ZNF654: variants seen among roughly 807,000 people sequenced by gnomAD.
ZNF654 encodes melanoma-associated antigen.
A neutral mutation model predicts 95.3 loss-of-function variants in ZNF654; 19 were observed. The ratio of observed to expected loss-of-function variants is 0.20; its 90% CI spans 0.14 to 0.29. The LOEUF (loss-of-function observed/expected upper bound fraction) is 0.29. ZNF654 is among the 10% of genes least tolerant of loss of function. ZNF654 has a pLI of 1.00. For synonymous variants in ZNF654, 413 were observed against 457.9 expected, an observed-to-expected ratio of 0.90 and a Z score of 1.25; for missense variants, 1,046 against 1,341.0, an observed-to-expected ratio of 0.78 and a Z score of 3.44.
intron 1 of ZNF654, among the ~76,000 whole-genome samples, chr3:88,066,037 G>T (rs1707179487): frequency 6.6e-6 from 1 of 152,200 alleles, no homozygotes; most frequent in African/African-American, 2.4e-5. Context: ...CCTAGCCCTA[G>T]ATTGGTTATT....
At chr3:88,120,948 T>C (rs946440875) in intron 3 of ZNF654, among the ~76,000 whole-genome samples, 4 of 151,998 alleles carry the variant, frequency 2.6e-5, no homozygotes, top group Admixed American at 2.6e-4. Flanking sequence ...GATAGAAAAT[T>C]TTCTTGTCTG....
At chr3:88,102,392 C>G (rs544851705) in intron 2 of ZNF654, among the ~76,000 whole-genome samples, 1 of 152,106 alleles carries the variant, frequency 6.6e-6, no homozygotes, top group South Asian at 2.1e-4. Flanking sequence ...TATTGCTGTA[C>G]CTTTATTTTC....
chr3:88,077,649 C>T (rs7633121), intron 1 of ZNF654, among the ~76,000 whole-genome samples: 119,166 of 152,086 alleles, frequency 0.78, 47,606 homozygotes, highest in South Asian at 0.91. Flanking sequence ...GAAACCTTTT[C>T]AAAATAACAC....
chr3:88,089,203 A>C (rs1708507122), intron 2 of ZNF654, among the ~76,000 whole-genome samples: 1 of 151,472 alleles, frequency 6.6e-6, no homozygotes, highest in Non-Finnish European at 1.5e-5. Context: ...AAAAAAAAAA[A>C]AAAAAAGCCC....
At position 88,059,298 on chromosome 3, in the gene ZNF654, C is replaced by G. The variant is rs1258488277; in HGVS notation, c.-22C>G. On this transcript the variant is annotated 5_prime_UTR_variant, in exon 1 of 9. Coordinates refer to ENST00000636215, the MANE Select transcript of ZNF654 (RefSeq NM_001350134.2). ...GGCGGCGGCGGCGCAGGGGCTGGTACGCGCTGGGCGGCGAGAGCCTCATGG... is the reference window on the plus strand; with the variant it reads ...GGCGGCGGCGGCGCAGGGGCTGGTAGGCGCTGGGCGGCGAGAGCCTCATGG... 6.5e-7 allele frequency: 1 copy of G among 1,531,922 alleles called. No homozygotes were observed. Among genetic ancestry groups the G allele is most frequent in the Non-Finnish European group, 8.7e-7 (1 of 1,146,098 alleles). The allele number at this position is 1,531,922 out of a possible 1,614,324, so 94.9% of individuals were successfully genotyped here. A position where few individuals can be genotyped will look rare whatever the true frequency, so the allele number is the denominator to read the frequency against.
intron 3 of ZNF654, among the ~76,000 whole-genome samples, chr3:88,121,149 T>A (rs1345442007): frequency 2.0e-5 from 3 of 152,016 alleles, no homozygotes; most frequent in Admixed American, 6.6e-5. Context: ...AAAAGAAAAT[T>A]TTCCTTTCTG....
At chr3:88,110,095 C>T (rs1414802410) in intron 2 of ZNF654, among the ~76,000 whole-genome samples, 1 of 152,046 alleles carries the variant, frequency 6.6e-6, no homozygotes, top group Non-Finnish European at 1.5e-5. Context: ...AATGGTTGTA[C>T]TATGTTATTA....
At chr3:88,122,859 A>C (rs374356954) in intron 3 of ZNF654, among the ~76,000 whole-genome samples, 2 of 151,822 alleles carry the variant, frequency 1.3e-5, no homozygotes, top group Non-Finnish European at 2.9e-5. Context: ...ATAATACAAA[A>C]ATTAGCTAGG....
chr3:88,065,803 T>G (rs1324079182), intron 1 of ZNF654, among the ~76,000 whole-genome samples: 1 of 152,188 alleles, frequency 6.6e-6, no homozygotes, highest in African/African-American at 2.4e-5. Flanking sequence ...CTAGGCTCAC[T>G]GCAACCTCCC....
chr3:88,094,089 G>A (rs1486290493), intron 2 of ZNF654, among the ~76,000 whole-genome samples: 1 of 140,490 alleles, frequency 7.1e-6, no homozygotes, highest in African/African-American at 2.6e-5. Flanking sequence ...TCTTCTCTGA[G>A]GAAGAGATAA....
At chr3:88,086,546 G>C in intron 2 of ZNF654, 144 bp downstream of exon 2, 2 of 745,276 alleles carry the variant, frequency 2.7e-6, no homozygotes, top group South Asian at 3.3e-5. Flanking sequence ...GAAGTATTCA[G>C]GTTTAATTTT....
chr3:88,110,561 C>T (rs1705026934), intron 2 of ZNF654, among the ~76,000 whole-genome samples: 2 of 152,056 alleles, frequency 1.3e-5, no homozygotes, highest in Non-Finnish European at 2.9e-5. Flanking sequence ...TGGCCTTGCT[C>T]GGGCCAGATT....
intron 2 of ZNF654, among the ~76,000 whole-genome samples, chr3:88,089,186 C>T (rs1474849391): frequency 1.8e-5 from 2 of 110,332 alleles, no homozygotes; most frequent in Non-Finnish European, 1.8e-5. Context: ...CTCAAGCTTA[C>T]GTATTAAAAA....
chr3:88,117,467 A>C (rs1423141358), intron 3 of ZNF654, among the ~76,000 whole-genome samples: 2 of 152,216 alleles, frequency 1.3e-5, no homozygotes, highest in Admixed American at 1.3e-4. Flanking sequence ...TATAAGATAG[A>C]GCAACAGAAA....
At chr3:88,075,796 G>C (rs1286352415) in intron 1 of ZNF654, among the ~76,000 whole-genome samples, 1 of 150,958 alleles carries the variant, frequency 6.6e-6, no homozygotes, top group Non-Finnish European at 1.5e-5. Context: ...GTTATCTCTT[G>C]TAGTGTCTTC....
intron 3 of ZNF654, among the ~76,000 whole-genome samples, chr3:88,120,525 CAGG>C (rs901153935): frequency 1.3e-5 from 2 of 152,032 alleles, no homozygotes; most frequent in Non-Finnish European, 2.9e-5. Flanking sequence ...AGAAGCAAAT[CAGG>C]AGATGGTGAA....
chr3:88,074,793 T>C (rs1162730353), intron 1 of ZNF654, among the ~76,000 whole-genome samples: 5 of 152,118 alleles, frequency 3.3e-5, no homozygotes, highest in Non-Finnish European at 5.9e-5. Flanking sequence ...CAGTAAAAAT[T>C]AGTGATATCA....
At chr3:88,071,868 T>TA (rs1252674963) in intron 1 of ZNF654, among the ~76,000 whole-genome samples, 1 of 152,210 alleles carries the variant, frequency 6.6e-6, no homozygotes, top group Non-Finnish European at 1.5e-5. Context: ...GTACTGTACT[T>TA]TTAAGACTTT....
In ZNF654 at chr3:88,140,397, C is replaced by T. The variant is rs763673082; in HGVS notation, c.2728C>T (p.Leu910=). The T allele has an allele frequency of 6.2e-7, 1 of 1,612,960 alleles. No homozygotes were observed. The highest frequency in any genetic ancestry group is 1.1e-5 in the South Asian group (1 of 90,986). ...SSSNEKQTIS[L]PVSTSKSRKE... is the part of the protein sequence containing the mutation. Reference sequence around the variant, plus strand: ...TAGTAATGAGAAACAAACTATTAGTCTGCCAGTTTCTACTAGCAAATCAAG... The same window carrying T: ...TAGTAATGAGAAACAAACTATTAGTTTGCCAGTTTCTACTAGCAAATCAAG... Residue 910 remains leucine (L), a synonymous_variant, in exon 8 of 9, where the codon CTG becomes TTG. Transcript: ENST00000636215.
Sources: gnomAD v4.1 joint callset for allele counts (sites outside exome capture counted in the v4.1 genomes callset) on GRCh38, gnomAD v4.1.1 for gene constraint, MANE v1.5 for transcripts, NCBI Gene and HGNC (gene_info 2026-07-23, HGNC 2026-07-21) for gene names.